Variants in CDH7 observed in about 807,000 individuals in gnomAD.
CDH7 encodes cadherin 7.
CDH7 carries 25 observed loss-of-function variants against 71.8 expected under a neutral mutation model. The ratio of observed to expected loss-of-function variants is 0.35; its 90% CI spans 0.25 to 0.49. The LOEUF (loss-of-function observed/expected upper bound fraction) is 0.49. CDH7 is among the 20% of genes least tolerant of loss of function. The probability of loss-of-function intolerance (pLI) is 0.99; values close to 1 mark genes in which losing one functional copy is unlikely to be tolerated. For synonymous variants in CDH7, 381 were observed against 363.8 expected (o/e 1.05, Z -0.54); for missense variants, 862 against 974.6 (o/e 0.88, Z 1.54).
rs908245796 is a variant in CDH7 at position 65,886,438 on chromosome 18, C to A, written c.*5544C>A. 1.3e-5 allele frequency: 2 copies of A among 151,998 alleles called. No homozygotes were observed. The highest frequency in any genetic ancestry group is 4.8e-5 in the African/African-American group (2 of 41,400). 9.4% of individuals were successfully genotyped at this position (151,998 alleles called of 1,614,324 possible). ...TTATTTATAAGATCTCAGAAGATTGCAGTTTAACTCAACATAATTCAACCA... is the reference window on the plus strand; with the variant it reads ...TTATTTATAAGATCTCAGAAGATTGAAGTTTAACTCAACATAATTCAACCA... On this transcript the variant is annotated 3_prime_UTR_variant, in exon 12 of 12. Coordinates refer to ENST00000397968, the MANE Select transcript of CDH7 (RefSeq NM_004361.5).
chr18:65,763,078 T>G (rs1916248354), intron 2 of CDH7, 26 bp downstream of exon 2: 6 of 1,507,546 alleles, frequency 4.0e-6, no homozygotes, highest in Non-Finnish European at 5.5e-6. Flanking sequence ...CTTTCAAAGT[T>G]GTAAATGATT....
intron 7 of CDH7, among the ~76,000 whole-genome samples, chr18:65,853,981 G>T (rs1193890318): frequency 4.0e-5 from 5 of 124,410 alleles, no homozygotes; most frequent in Non-Finnish European, 8.1e-5. Context: ...TCTAAGTGGG[G>T]ATTATAGTTA....
chr18:65,865,644 C>G (rs2144044612), intron 11 of CDH7: 1 of 152,164 alleles, frequency 6.6e-6, no homozygotes, highest in South Asian at 2.1e-4. Context: ...AATGTGGTCT[C>G]TTTGTGTCTT....
At chr18:65,835,301 G>A (rs982701619) in intron 6 of CDH7, among the ~76,000 whole-genome samples, 1 of 152,162 alleles carries the variant, frequency 6.6e-6, no homozygotes, top group African/African-American at 2.4e-5. Flanking sequence ...TGAGAAGAAA[G>A]AAGCAATAAA....
At chr18:65,866,299 AAAAAAAAAAAAAAAAC>A (rs1347961176) in intron 11 of CDH7, 47 of 1,320 alleles carry the variant, frequency 0.036, 9 homozygotes, top group African/African-American at 0.04. Flanking sequence ...ACTCCGTCTC[AAAAAAAAAAAAAAAAC>A]AAAAAAAAAA....
intron 7 of CDH7, among the ~76,000 whole-genome samples, chr18:65,855,545 C>T (rs1425903595): frequency 2.6e-5 from 4 of 152,154 alleles, no homozygotes; most frequent in African/African-American, 7.2e-5. Flanking sequence ...TCAAAACTCA[C>T]TCAATATGAA....
intron 8 of CDH7, 83 bp downstream of exon 8, chr18:65,858,035 A>C: frequency 1.5e-6 from 2 of 1,346,206 alleles, no homozygotes. Flanking sequence ...AATTCAAGTT[A>C]ATTAAAGTAG....
rs7235166 is a variant in CDH7 at position 65,809,982 on chromosome 18, C to T, written c.489C>T (p.Pro163=). The T allele has an allele frequency of 9.3e-6, 15 of 1,609,534 alleles. No individual in the cohort carries two copies. The highest frequency in any genetic ancestry group is 6.7e-5 in the Admixed American group (4 of 59,882). The change falls in exon 3 of 12, where the codon CCC becomes CCT. Residue 163 remains proline (P), a synonymous_variant. Coordinates refer to ENST00000397968, the MANE Select transcript of CDH7 (RefSeq NM_004361.5). ...ATGGCCCATACACGGCAGGAGTTCCCGAAATGTCTCCCGTGGGTAAGTAAA... is the reference window on the plus strand; with the variant it reads ...ATGGCCCATACACGGCAGGAGTTCCTGAAATGTCTCCCGTGGGTAAGTAAA... The part of the protein sequence containing the change: ...FLDGPYTAGV[P]EMSPVGTSVV...
intron 3 of CDH7, among the ~76,000 whole-genome samples, chr18:65,813,434 G>A (rs1226735941): frequency 6.6e-6 from 1 of 152,118 alleles, no homozygotes; most frequent in Non-Finnish European, 1.5e-5. Flanking sequence ...AATGGAATTG[G>A]CAATGAAATA....
intron 5 of CDH7, 35 bp downstream of exon 5, chr18:65,822,283 A>T: frequency 6.4e-7 from 1 of 1,551,360 alleles, no homozygotes; most frequent in South Asian, 1.1e-5. Flanking sequence ...AAGTGCAATA[A>T]CTTTCCCTGA....
At chr18:65,775,408 T>C (rs1598994470) in intron 2 of CDH7, among the ~76,000 whole-genome samples, 1 of 152,220 alleles carries the variant, frequency 6.6e-6, no homozygotes, top group East Asian at 1.9e-4. Context: ...AAGAACTTCT[T>C]GTTTTATATA....
At chr18:65,842,298 T>C (rs1912761384) in intron 6 of CDH7, among the ~76,000 whole-genome samples, 1 of 152,108 alleles carries the variant, frequency 6.6e-6, no homozygotes, top group African/African-American at 2.4e-5. Flanking sequence ...GGGCTTCAAA[T>C]CTAGTGGCTA....
intron 2 of CDH7, among the ~76,000 whole-genome samples, chr18:65,785,695 T>G (rs1910488646): frequency 6.6e-6 from 1 of 152,152 alleles, no homozygotes; most frequent in South Asian, 2.1e-4. Context: ...ACATTAGTTT[T>G]GAGTTCATTG....
At chr18:65,816,159 G>T (rs1911717048) in intron 4 of CDH7, among the ~76,000 whole-genome samples, 1 of 151,970 alleles carries the variant, frequency 6.6e-6, no homozygotes, top group African/African-American at 2.4e-5. Flanking sequence ...TGAAAGGATT[G>T]TGTGTTACAA....
chr18:65,789,721 T>C (rs1910643201), intron 2 of CDH7, among the ~76,000 whole-genome samples: 1 of 152,034 alleles, frequency 6.6e-6, no homozygotes, highest in African/African-American at 2.4e-5. Context: ...AGTTGTGAGA[T>C]GTTTAACAGT....
intron 6 of CDH7, among the ~76,000 whole-genome samples, chr18:65,840,722 C>T (rs546588354): frequency 1.7e-3 from 264 of 152,238 alleles, no homozygotes; most frequent in Middle Eastern, 3.4e-3. Flanking sequence ...TCCCCAGCCA[C>T]GTGGAACTGT....
chr18:65,758,823 A>G (rs1916106574), intron 1 of CDH7, among the ~76,000 whole-genome samples: 1 of 152,250 alleles, frequency 6.6e-6, no homozygotes, highest in East Asian at 1.9e-4. Flanking sequence ...GTTGATCATA[A>G]TGAAAATGAG....
At chr18:65,766,261 C>T (rs1455217163) in intron 2 of CDH7, among the ~76,000 whole-genome samples, 2 of 151,982 alleles carry the variant, frequency 1.3e-5, no homozygotes, top group Non-Finnish European at 2.9e-5. Context: ...AATTTCGAGT[C>T]CATGTTAATG....
intron 2 of CDH7, among the ~76,000 whole-genome samples, chr18:65,769,018 CTT>C (rs1916465627): frequency 6.6e-6 from 1 of 151,690 alleles, no homozygotes; most frequent in Non-Finnish European, 1.5e-5. Flanking sequence ...AAAATAAACT[CTT>C]TCATAAAATT....
Sources: gnomAD v4.1 joint callset for allele counts (sites outside exome capture counted in the v4.1 genomes callset) on GRCh38, gnomAD v4.1.1 for gene constraint, MANE v1.5 for transcripts, NCBI Gene and HGNC (gene_info 2026-07-23, HGNC 2026-07-21) for gene names.